The following BTG4 variants were observed in gnomAD, a reference collection of about 807,000 sequenced individuals.
The protein encoded by BTG4 is BTG anti-proliferation factor 4.
BTG4 carries 10 observed loss-of-function variants against 19.3 expected under a neutral mutation model. The ratio of observed to expected loss-of-function variants is 0.52; its 90% CI spans 0.32 to 0.88. The LOEUF is 0.88. Among genes scored for constraint, BTG4 ranks in the 40% least tolerant of loss-of-function variants. BTG4 has a pLI of 0.04. For synonymous variants in BTG4, 91 were observed against 95.7 expected, an observed-to-expected ratio of 0.95 and a Z score of 0.29; for missense variants, 238 against 281.9, an observed-to-expected ratio of 0.84 and a Z score of 1.11.
the BTG4 span, among the ~76,000 whole-genome samples, chr11:111,451,863 A>G: frequency 2.6e-5 from 4 of 152,224 alleles, no homozygotes; most frequent in Admixed American, 2.6e-4. Context: ...CACAATGCTA[A>G]CAGATGGTCC....
chr11:111,508,594 TG>T (rs1866626330), intron 1 of BTG4, among the ~76,000 whole-genome samples: 1 of 152,046 alleles, frequency 6.6e-6, no homozygotes. Context: ...CTAGTATTTT[TG>T]CTTCTAGGCT....
At chr11:111,394,433 A>T in the BTG4 span, among the ~76,000 whole-genome samples, 25 of 152,290 alleles carry the variant, frequency 1.6e-4, no homozygotes, top group African/African-American at 6.0e-4. Flanking sequence ...ACGGTTTTAT[A>T]AGGGGAAACC....
chr11:111,503,251 G>A (rs1866214870), intron 1 of BTG4, among the ~76,000 whole-genome samples: 1 of 152,206 alleles, frequency 6.6e-6, no homozygotes, highest in Admixed American at 6.5e-5. Flanking sequence ...ATGAAGTTCA[G>A]TGGAAGAGTC....
Position 111,497,341 on chromosome 11 carries a change from T to C in BTG4, c.380A>G (p.Tyr127Cys), listed in dbSNP as rs746643365. ...FKGRWEEWEL[Y>C]QQISYAVSRA... ...ACTAACGGCATAACTGATTTGTTGA[T>C]ATAGTTCCCATTCCTCCCATCTGCC... is the stretch of plus-strand genomic sequence containing the variant. The change falls in exon 4 of 5, where the codon TAT (tyrosine) becomes TGT (cysteine). Residue 127 changes from tyrosine to cysteine, a missense_variant. Transcript: ENST00000692032. 6.4e-7 allele frequency: 1 copy of C among 1,559,958 alleles called. No individual in the cohort carries two copies. Among genetic ancestry groups the C allele is most frequent in the South Asian group, 1.2e-5 (1 of 80,548 alleles).
chr11:111,497,192 G>T lies in BTG4; in HGVS notation c.510+19C>A, dbSNP rs750247080. ...TTAGATAGAAAAAAAGTATAGAAAA[G>T]AACTGGAACACTCTTGACCTGATAA... On this transcript the variant is annotated intron_variant, in intron 4 of 4. Coordinates refer to ENST00000692032, the MANE Select transcript of BTG4 (RefSeq NM_001367975.1). 107 of 1,598,924 alleles carry T rather than the reference G, an allele frequency of 6.7e-5. 2 individuals are homozygous for T. In the Admixed American group the frequency reaches 1.8e-3, roughly 27 times the overall value.
At chr11:111,463,968 C>T (rs888567735), downstream of BTG4, among the ~76,000 whole-genome samples, 2 of 152,132 alleles carry the variant, frequency 1.3e-5, no homozygotes, top group African/African-American at 4.8e-5. Context: ...GGAAGGAGGC[C>T]AGAGAGTGAG....
chr11:111,428,011 C>T, the BTG4 span, among the ~76,000 whole-genome samples: 3 of 152,038 alleles, frequency 2.0e-5, no homozygotes, highest in African/African-American at 4.8e-5. Context: ...GACAAGCCCC[C>T]GGCAAGCAGC....
intron 1 of BTG4, among the ~76,000 whole-genome samples, chr11:111,505,070 C>T (rs1317039822): frequency 6.6e-6 from 1 of 151,876 alleles, no homozygotes; most frequent in Non-Finnish European, 1.5e-5. Context: ...TCAATGCAAT[C>T]CCTATCCAAT....
chr11:111,462,644 G>A (rs1046984571), downstream of BTG4, among the ~76,000 whole-genome samples: 7 of 152,208 alleles, frequency 4.6e-5, no homozygotes, highest in Non-Finnish European at 8.8e-5. Flanking sequence ...GGTGGTGGTC[G>A]CTGCCATGTG....
chr11:111,425,134 T>TA, the BTG4 span, among the ~76,000 whole-genome samples: 18 of 152,092 alleles, frequency 1.2e-4, no homozygotes, highest in African/African-American at 3.9e-4. Flanking sequence ...TGGAACAAAC[T>TA]TTTATCATGG....
chr11:111,440,033 T>C, the BTG4 span, among the ~76,000 whole-genome samples: 1 of 152,226 alleles, frequency 6.6e-6, no homozygotes, highest in East Asian at 1.9e-4. Flanking sequence ...AGAAACCTGT[T>C]CAGGGCTCAG....
chr11:111,513,978 T>C (rs1867123413), upstream of BTG4: 1 of 153,670 alleles, frequency 6.5e-6, no homozygotes. Flanking sequence ...ATCTTAACTT[T>C]TCTATCAATG....
the BTG4 span, chr11:111,397,802 G>A: frequency 6.6e-6 from 1 of 152,198 alleles, no homozygotes; most frequent in South Asian, 2.1e-4. Flanking sequence ...CATTTCAGCA[G>A]AACGTTCAGG....
At chr11:111,386,554 A>T in the BTG4 span, among the ~76,000 whole-genome samples, 18 of 152,192 alleles carry the variant, frequency 1.2e-4, no homozygotes, top group Admixed American at 1.2e-3. Context: ...AGAAGAGAGG[A>T]CCAGGGTGAT....
chr11:111,454,266 A>T, the BTG4 span: 1 of 456,476 alleles, frequency 2.2e-6, no homozygotes, highest in Non-Finnish European at 4.4e-6. Context: ...GAGCAGGTAG[A>T]TCTGGAGTGG....
chr11:111,439,087 G>A, the BTG4 span, among the ~76,000 whole-genome samples: 5 of 152,310 alleles, frequency 3.3e-5, no homozygotes, highest in African/African-American at 9.6e-5. Context: ...TCTGCGGTTG[G>A]GACCCCAGGG....
the BTG4 span, among the ~76,000 whole-genome samples, chr11:111,396,379 G>A: frequency 6.6e-6 from 1 of 152,146 alleles, no homozygotes; most frequent in African/African-American, 2.4e-5. Context: ...CCTCTCCCAA[G>A]TCAGCCCCAT....
At chr11:111,458,156 C>T in the BTG4 span, 2 of 152,850 alleles carry the variant, frequency 1.3e-5, no homozygotes, top group African/African-American at 4.8e-5. Flanking sequence ...CCATGTCCTG[C>T]AGCAGGCTCA....
the BTG4 span, among the ~76,000 whole-genome samples, chr11:111,390,963 C>T: frequency 6.6e-6 from 1 of 152,214 alleles, no homozygotes; most frequent in African/African-American, 2.4e-5. Context: ...TTAAATGATG[C>T]CAAGCCCTGG....
Sources: allele counts gnomAD v4.1 joint callset (sites outside exome capture counted in the v4.1 genomes callset), GRCh38; gene constraint gnomAD v4.1.1; transcripts MANE v1.5; gene names NCBI Gene and HGNC (gene_info 2026-07-23, HGNC 2026-07-21).